The following GRM5 variants were observed in gnomAD, a reference collection of about 807,000 sequenced individuals.
GRM5 encodes the protein metabotropic glutamate receptor 5.
A neutral mutation model predicts 83.1 loss-of-function variants in GRM5; 19 were observed. That is an observed-to-expected ratio of 0.23 (90% CI 0.16 to 0.34). The LOEUF is 0.34. GRM5 is among the 10% of genes least tolerant of loss of function. The pLI is 1.00. For missense variants in GRM5, 1,160 were observed against 1,588.3 expected, an observed-to-expected ratio of 0.73 and a Z score of 4.58; for synonymous variants, 675 against 633.6, an observed-to-expected ratio of 1.07 and a Z score of -0.98.
intron 4 of GRM5, among the ~76,000 whole-genome samples, chr11:88,652,677 A>G (rs1939662536): frequency 6.6e-6 from 1 of 152,042 alleles, no homozygotes; most frequent in Non-Finnish European, 1.5e-5. Context: ...AAACATCACA[A>G]TTTTATATAG....
intron 3 of GRM5, among the ~76,000 whole-genome samples, chr11:88,757,633 T>C (rs1942422540): frequency 6.6e-6 from 1 of 151,306 alleles, no homozygotes; most frequent in African/African-American, 2.4e-5. Context: ...ACAAACACAG[T>C]CACCAATAAG....
chr11:88,515,777 G>A (rs1941502904), intron 9 of GRM5, among the ~76,000 whole-genome samples: 1 of 152,188 alleles, frequency 6.6e-6, no homozygotes, highest in Non-Finnish European at 1.5e-5. Context: ...TTATAATTTA[G>A]TAAATAGAGA....
intron 2 of GRM5, among the ~76,000 whole-genome samples, chr11:88,864,988 A>C (rs1019302281): frequency 2.2e-4 from 34 of 152,036 alleles, no homozygotes; most frequent in Admixed American, 3.9e-4. Context: ...GCATATGTTG[A>C]ACCAGCCTTA....
chr11:88,889,986 T>C (rs1945114200), intron 2 of GRM5, among the ~76,000 whole-genome samples: 1 of 152,150 alleles, frequency 6.6e-6, no homozygotes, highest in South Asian at 2.1e-4. Flanking sequence ...TTTGGGTGTA[T>C]CAAAATACTT....
At chr11:88,627,427 AAGATGCACATT>A (rs1938832859) in intron 4 of GRM5, among the ~76,000 whole-genome samples, 2 of 152,182 alleles carry the variant, frequency 1.3e-5, no homozygotes, top group African/African-American at 4.8e-5. Flanking sequence ...TACTATCTGA[AAGATGCACATT>A]AGGGATAGTT....
chr11:88,850,498 A>G (rs1944371846), intron 2 of GRM5, among the ~76,000 whole-genome samples: 1 of 151,920 alleles, frequency 6.6e-6, no homozygotes, highest in South Asian at 2.1e-4. Flanking sequence ...ATTCTATCTC[A>G]CTTCCCTTTA....
chr11:89,022,989 A>G (rs1205960437), intron 2 of GRM5, among the ~76,000 whole-genome samples: 2 of 152,174 alleles, frequency 1.3e-5, no homozygotes, highest in African/African-American at 2.4e-5. Flanking sequence ...ATGGGTCCCA[A>G]GAATGTGTAT....
intron 2 of GRM5, among the ~76,000 whole-genome samples, chr11:88,976,344 C>T (rs990546762): frequency 3.3e-5 from 5 of 152,104 alleles, no homozygotes; most frequent in African/African-American, 9.7e-5. Flanking sequence ...GAGTGTACTT[C>T]GGTCTCGTGA....
At chr11:88,735,219 C>T (rs1025178498) in intron 3 of GRM5, among the ~76,000 whole-genome samples, 3 of 151,960 alleles carry the variant, frequency 2.0e-5, no homozygotes, top group African/African-American at 7.2e-5. Flanking sequence ...GCTTTTCCTT[C>T]ATTTGCCCAA....
At chr11:88,648,046 A>C (rs939470701) in intron 4 of GRM5, among the ~76,000 whole-genome samples, 11 of 151,872 alleles carry the variant, frequency 7.2e-5, no homozygotes, top group African/African-American at 2.7e-4. Flanking sequence ...ACACTTTTAC[A>C]CTGTTGGTGG....
intron 3 of GRM5, among the ~76,000 whole-genome samples, chr11:88,834,677 A>G (rs1944059573): frequency 6.6e-6 from 1 of 152,144 alleles, no homozygotes; most frequent in Admixed American, 6.5e-5. Context: ...AATCCAAGTG[A>G]TTGATTAGTT....
At chr11:88,713,655 A>T (rs12795996) in intron 3 of GRM5, among the ~76,000 whole-genome samples, 18,664 of 152,076 alleles carry the variant, frequency 0.12, 1,515 homozygotes, top group Middle Eastern at 0.19. Flanking sequence ...CATGAATATG[A>T]TGTTGCAGAA....
intron 3 of GRM5, among the ~76,000 whole-genome samples, chr11:88,818,135 A>G (rs1159826728): frequency 6.6e-6 from 1 of 152,136 alleles, no homozygotes; most frequent in Non-Finnish European, 1.5e-5. Context: ...TTATAAAAAA[A>G]GAAAAAATAA....
intron 7 of GRM5, among the ~76,000 whole-genome samples, chr11:88,583,778 GT>G (rs1438535456): frequency 6.6e-6 from 1 of 152,172 alleles, no homozygotes; most frequent in Non-Finnish European, 1.5e-5. Flanking sequence ...CAGAAAAAGT[GT>G]CTTGGCAAAT....
At chr11:88,628,745 C>T (rs917619775) in intron 4 of GRM5, among the ~76,000 whole-genome samples, 2 of 152,160 alleles carry the variant, frequency 1.3e-5, no homozygotes, top group Non-Finnish European at 1.5e-5. Flanking sequence ...ACAACAGACT[C>T]AAATAACCAG....
chr11:88,862,877 T>C (rs1330755115), intron 2 of GRM5, among the ~76,000 whole-genome samples: 1 of 152,032 alleles, frequency 6.6e-6, no homozygotes, highest in Non-Finnish European at 1.5e-5. Flanking sequence ...CTGACAATGG[T>C]CTAATATCCA....
At chr11:88,733,793 TAGGGGAGTGCA>T in intron 3 of GRM5, among the ~76,000 whole-genome samples, 1 of 152,150 alleles carries the variant, frequency 6.6e-6, no homozygotes, top group South Asian at 2.1e-4. Context: ...TTTATTGTCC[TAGGGGAGTGCA>T]AGGACATTAA....
intron 2 of GRM5, among the ~76,000 whole-genome samples, chr11:88,998,689 G>A (rs552316950): frequency 1.3e-5 from 2 of 152,126 alleles, no homozygotes; most frequent in East Asian, 1.9e-4. Flanking sequence ...TAATCCCAAG[G>A]AATCTACAAA....
chr11:88,550,758 G>C (rs1942489301), intron 8 of GRM5, among the ~76,000 whole-genome samples: 1 of 152,170 alleles, frequency 6.6e-6, no homozygotes, highest in Non-Finnish European at 1.5e-5. Flanking sequence ...AAGTTGTAAT[G>C]ATGATAATTT....
Sources: allele counts gnomAD v4.1 joint callset (sites outside exome capture counted in the v4.1 genomes callset), GRCh38; gene constraint gnomAD v4.1.1; transcripts MANE v1.5; gene names NCBI Gene and HGNC (gene_info 2026-07-23, HGNC 2026-07-21).